The following HDAC3 variants were observed in gnomAD, a reference collection of about 807,000 sequenced individuals.
HDAC3 encodes SMAP45.
HDAC3 carries 21 observed loss-of-function variants against 62.3 expected under a neutral mutation model. That is an observed-to-expected ratio of 0.34 (90% confidence interval 0.24 to 0.49). The LOEUF (loss-of-function observed/expected upper bound fraction) is 0.49. Ranked by LOEUF, HDAC3 falls within the 20% of genes least tolerant of loss-of-function variation. The pLI, the probability that HDAC3 is intolerant of heterozygous loss-of-function variation, is 0.99. For synonymous variants in HDAC3, 198 were observed against 206.5 expected, an observed-to-expected ratio of 0.96 and a Z score of 0.35; for missense variants, 270 against 556.9, an observed-to-expected ratio of 0.48 and a Z score of 5.19.
chr5:141,632,517 G>C (rs1016667603), intron 3 of HDAC3, among the ~76,000 whole-genome samples: 1 of 152,152 alleles, frequency 6.6e-6, no homozygotes, highest in African/African-American at 2.4e-5. Flanking sequence ...CCCAGAGATA[G>C]TATTCTAATT....
intron 2 of HDAC3, 106 bp downstream of exon 2, chr5:141,636,438 CCCGA>C (rs2099906017): frequency 1.1e-6 from 1 of 948,394 alleles, no homozygotes; most frequent in Non-Finnish European, 1.7e-6. Context: ...TATCCAGCTC[CCCGA>C]TACTCTAGGG....
At chr5:141,636,654 C>G (rs772450902) in intron 1 of HDAC3, 24 bp from the exon 2 acceptor site, 5 of 1,613,192 alleles carry the variant, frequency 3.1e-6, no homozygotes, top group Non-Finnish European at 2.5e-6. Context: ...GAAGAGAGTT[C>G]GTCAGCTCTC....
rs1476172477 is a variant in HDAC3, at chr5:141,629,329, G to A, written c.477-23C>T. The stretch of plus-strand genomic sequence containing the variant: ...TACCTAGAGGGAAGCCAAAGCCAGG[G>A]TCTGAGCTAGAAGTGAACCCCCCAA... On this transcript the variant is annotated intron_variant, in intron 6 of 14. Coordinates refer to ENST00000305264, the MANE Select transcript of HDAC3 (RefSeq NM_003883.4). The surrounding 1 kb of genome is among the most constrained non-coding windows in gnomAD (Gnocchi z 5.3). 6.2e-7 allele frequency: 1 copy of A among 1,613,984 alleles called. No individual in the cohort carries two copies. Among genetic ancestry groups the A allele is most frequent in the African/African-American group, 1.3e-5 (1 of 75,022 alleles).
At chr5:141,632,588 C>T (rs987036850) in intron 3 of HDAC3, among the ~76,000 whole-genome samples, 3 of 152,190 alleles carry the variant, frequency 2.0e-5, no homozygotes, top group East Asian at 1.9e-4. Flanking sequence ...AGGGCTGACC[C>T]TGTATTCACA....
At chr5:141,623,636 G>A (rs1596432732) in intron 14 of HDAC3, among the ~76,000 whole-genome samples, 1 of 152,118 alleles carries the variant, frequency 6.6e-6, no homozygotes, top group Non-Finnish European at 1.5e-5. Context: ...AGAAGGGATC[G>A]GGGGATATCC....
At position 141,635,041 on chromosome 5, in the gene HDAC3, CT is replaced by C. The variant is rs1345211726; in HGVS notation, c.139-89del. On this transcript the variant is annotated intron_variant, in intron 2 of 14. Coordinates refer to ENST00000305264, the MANE Select transcript of HDAC3 (RefSeq NM_003883.4). The stretch of plus-strand genomic sequence containing the variant: ...CCCATACTGAACCCAGTCCTGGAGA[CT>C]ATATGAAGCCAAACATAGCATTCCC... The C allele has an allele frequency of 5.3e-6, 7 of 1,328,860 alleles. No homozygotes were observed. In the African/African-American group the frequency reaches 1.0e-4, roughly 20 times the overall value. The allele number at this position is 1,328,860 out of a possible 1,614,324, so 82.3% of individuals were successfully genotyped here.
In HDAC3 at chr5:141,626,510, AC is replaced by A; in HGVS notation, c.831-228del. On this transcript the variant is annotated intron_variant, in intron 10 of 14. Coordinates refer to ENST00000305264, the MANE Select transcript of HDAC3 (RefSeq NM_003883.4). The surrounding 1 kb of genome is among the most constrained non-coding windows in gnomAD (Gnocchi z 4.6). ...CAGTCCCCCCTCTGTTCTGCTCAACACCCTCCCTGGCACCCTGCCTGCTAAT... is the reference window on the plus strand; with the variant it reads ...CAGTCCCCCCTCTGTTCTGCTCAACACCTCCCTGGCACCCTGCCTGCTAAT... 8 of 518,878 alleles carry A rather than the reference AC, an allele frequency of 1.5e-5. No individual in the cohort carries two copies. The South Asian group carries it at 1.7e-4, about 11-fold the overall frequency. The allele number at this position is 518,878 out of a possible 1,614,324, so 32.1% of individuals were successfully genotyped here.
intron 3 of HDAC3, among the ~76,000 whole-genome samples, 194 bp from the exon 4 acceptor site, chr5:141,630,319 A>C (rs1380870893): frequency 6.6e-6 from 1 of 152,244 alleles, no homozygotes; most frequent in Non-Finnish European, 1.5e-5. Context: ...TGTGCAAGGC[A>C]CTGGATGGGA....
In HDAC3 at chr5:141,625,889, C is replaced by A; in HGVS notation, c.979+124G>T. The A allele has an allele frequency of 1.6e-6, 2 of 1,280,620 alleles. No individual in the cohort carries two copies. The highest frequency in any genetic ancestry group is 1.7e-5 in the Admixed American group (1 of 58,496). 79.3% of individuals were successfully genotyped at this position (1,280,620 alleles called of 1,614,324 possible). On this transcript the variant is annotated intron_variant, in intron 12 of 14. Transcript: ENST00000305264. The surrounding 1 kb of genome is among the most constrained non-coding windows in gnomAD (Gnocchi z 4.0). ...TGCCCAATCTCTTCCCTGCTCTGAG[C>A]CCAGGGGTTTAGTCTGCAGAGCTCT...
At position 141,628,670 on chromosome 5, in the gene HDAC3, A is replaced by ATGTGGGAAGCACATGTG. The variant is rs1458773641; in HGVS notation, c.611-32_611-31insCACATGTGCTTCCCACA. ...GGGAAGTGGGTGGTGGTAGCCACAC[A>ATGTGGGAAGCACATGTG]TGGGAAGCACCCACAACCCAGCTGT... On this transcript the variant is annotated intron_variant, in intron 7 of 14. Transcript: ENST00000305264. The surrounding 1 kb of genome is among the most constrained non-coding windows in gnomAD (Gnocchi z 4.7). 6.4e-7 allele frequency: 1 copy of ATGTGGGAAGCACATGTG among 1,566,594 alleles called. No homozygotes were observed. The highest frequency in any genetic ancestry group is 8.8e-7 in the Non-Finnish European group (1 of 1,138,012).
At chr5:141,622,398 G>A (rs1024681935) in intron 14 of HDAC3, among the ~76,000 whole-genome samples, 1 of 152,144 alleles carries the variant, frequency 6.6e-6, no homozygotes, top group African/African-American at 2.4e-5. Context: ...AAGGTCAAGA[G>A]ATCAAGACCA....
chr5:141,634,487 G>A (rs1319620408), intron 3 of HDAC3, among the ~76,000 whole-genome samples: 1 of 151,938 alleles, frequency 6.6e-6, no homozygotes, highest in Non-Finnish European at 1.5e-5. Context: ...CCTCTAGGAA[G>A]GCCCCACCGA....
At chr5:141,623,647 T>A (rs939276749) in intron 14 of HDAC3, among the ~76,000 whole-genome samples, 1 of 152,134 alleles carries the variant, frequency 6.6e-6, no homozygotes, top group African/African-American at 2.4e-5. Context: ...GGGGATATCC[T>A]TGGAGGAAGA....
At position 141,628,462 on chromosome 5, in the gene HDAC3, A is replaced by T; in HGVS notation, c.691+97T>A. On this transcript the variant is annotated intron_variant, in intron 8 of 14. Coordinates refer to ENST00000305264, the MANE Select transcript of HDAC3 (RefSeq NM_003883.4). The surrounding 1 kb of genome is among the most constrained non-coding windows in gnomAD (Gnocchi z 4.7). Reference sequence around the variant, plus strand: ...CTCTGAAGGCCATTCATCCTTAAGGACAACTGGCCCAACAGCAGACAATAC... The same window carrying T: ...CTCTGAAGGCCATTCATCCTTAAGGTCAACTGGCCCAACAGCAGACAATAC... The T allele has an allele frequency of 1.0e-6, 1 of 999,812 alleles. No homozygotes were observed. The highest frequency in any genetic ancestry group is 1.6e-6 in the Non-Finnish European group (1 of 630,942). 61.9% of individuals were successfully genotyped at this position (999,812 alleles called of 1,614,324 possible).
Position 141,629,427 on chromosome 5 carries a change from TCA to T in HDAC3, c.477-123_477-122del, listed in dbSNP as rs1329186101. 1 of 1,406,054 alleles carries T rather than the reference TCA, an allele frequency of 7.1e-7. No homozygotes were observed. The highest frequency in any genetic ancestry group is 1.4e-5 in the African/African-American group (1 of 70,014). 87.1% of individuals were successfully genotyped at this position (1,406,054 alleles called of 1,614,324 possible). ...TGCCCTGGTCACCTGAAACTTAATG[TCA>T]CCAGTTCCCTAAAGGCAACTGGGGG... On this transcript the variant is annotated intron_variant, in intron 6 of 14. Transcript: ENST00000305264. The surrounding 1 kb of genome is among the most constrained non-coding windows in gnomAD (Gnocchi z 5.3).
chr5:141,627,832 C>G (rs2099904664), intron 10 of HDAC3, 61 bp downstream of exon 10: 20 of 1,441,828 alleles, frequency 1.4e-5, no homozygotes, highest in Admixed American at 1.7e-5. Context: ...TACCCCCACC[C>G]ACGTACTGAA....
intron 14 of HDAC3, among the ~76,000 whole-genome samples, chr5:141,624,002 C>T (rs1278272658): frequency 6.7e-6 from 1 of 149,432 alleles, no homozygotes; most frequent in Admixed American, 6.7e-5. Flanking sequence ...TAATTCATTC[C>T]ATCTACAAAT....
chr5:141,630,250 C>A, intron 3 of HDAC3, 125 bp from the exon 4 acceptor site: 1 of 855,484 alleles, frequency 1.2e-6, no homozygotes, highest in Non-Finnish European at 1.9e-6. Context: ...CTCCTACACA[C>A]GTGGGCTATC....
chr5:141,626,959 G>A lies in HDAC3; in HGVS notation c.831-676C>T, dbSNP rs1562366971. On this transcript the variant is annotated intron_variant, in intron 10 of 14. Coordinates refer to ENST00000305264, the MANE Select transcript of HDAC3 (RefSeq NM_003883.4). This position sits in a 1 kb window ranked among gnomAD's most constrained non-coding sequence, Gnocchi z 4.6. ...CAAACCTTTCTCTATTCAGCAGTCA[G>A]AATTGTCACTTTCAAACACAAATTG... is the stretch of plus-strand genomic sequence containing the variant. 1.3e-5 allele frequency among the ~76,000 whole-genome samples: 2 copies of A among 151,854 alleles called. No homozygotes were observed. Among genetic ancestry groups the A allele is most frequent in the Admixed American group, 1.3e-4 (2 of 15,248 alleles).
Sources: allele counts gnomAD v4.1 joint callset (sites outside exome capture counted in the v4.1 genomes callset), GRCh38; gene constraint gnomAD v4.1.1; non-coding constraint Gnocchi (gnomAD v3.1); transcripts MANE v1.5; gene names NCBI Gene and HGNC (gene_info 2026-07-23, HGNC 2026-07-21).